OR9G4: variants seen among roughly 807,000 people sequenced by gnomAD.
The protein encoded by OR9G4 is olfactory receptor family 9 subfamily G member 4.
OR9G4 carries 19 observed loss-of-function variants against 16.7 expected under a neutral mutation model. The observed-to-expected ratio is 1.14, with a 90% CI of 0.79 to 1.67. The LOEUF (loss-of-function observed/expected upper bound fraction) is 1.67. Among genes scored for constraint, OR9G4 ranks in the 40% most tolerant of loss-of-function variants. The pLI is 0.00. For missense variants in OR9G4, 428 were observed against 370.4 expected (o/e 1.16, Z -1.28); for synonymous variants, 182 against 146.2 (o/e 1.24, Z -1.76).
In OR9G4 at chr11:56,743,417, G is replaced by A. The variant is rs773768084; in HGVS notation, c.350C>T (p.Ala117Val). The change falls in exon 2 of 2, where the codon GCC becomes GTC. Residue 117 changes from alanine (A) to valine (V), a missense_variant. Transcript: ENST00000641668. ...VAYTECYLLA[A>V]MAYDRHAAIC... ...TGCTGCATGGCGGTCATATGCCATG[G>A]CTGCCAGGAGATAGCATTCAGTGTA... 1 of 1,614,088 alleles carries A rather than the reference G, an allele frequency of 6.2e-7. No individual in the cohort carries two copies. The highest frequency in any genetic ancestry group is 2.2e-5 in the East Asian group (1 of 44,868).
intron 1 of OR9G4, 65 bp from the exon 2 acceptor site, chr11:56,743,853 C>CA: frequency 6.5e-7 from 1 of 1,528,328 alleles, no homozygotes; most frequent in Non-Finnish European, 8.8e-7. Context: ...ACAAGGGTAT[C>CA]AATTAAATCA....
At position 56,743,799 on chromosome 11, in the gene OR9G4, A is replaced by T. The variant is rs1171312180; in HGVS notation, c.-22-11T>A. On this transcript the variant is annotated splice_polypyrimidine_tract_variant and intron_variant, in intron 1 of 1. Coordinates refer to ENST00000641668, the MANE Select transcript of OR9G4 (RefSeq NM_001005284.2). ...GAGGTGAAAGCCTGACTATCATGAGAAGGGAAAATCATCACTTAGTGTTTT... is the reference window on the plus strand; with the variant it reads ...GAGGTGAAAGCCTGACTATCATGAGTAGGGAAAATCATCACTTAGTGTTTT... The T allele has an allele frequency of 6.2e-7, 1 of 1,610,004 alleles. No individual in the cohort carries two copies. Among genetic ancestry groups the T allele is most frequent in the East Asian group, 2.2e-5 (1 of 44,846 alleles).
Position 56,743,110 on chromosome 11 carries a change from G to T in OR9G4, c.657C>A (p.Val219=). The change falls in exon 2 of 2, where the codon GTC becomes GTA. Residue 219 remains valine (V), a synonymous_variant. Coordinates refer to ENST00000641668, the MANE Select transcript of OR9G4 (RefSeq NM_001005284.2). ...TTCTCAGGATAGCCAGGAGGATGTT[G>T]ACATAGGAAATCAGGATAGCAAGAA... ...SSILAILISY[V]NILLAILRIH... The T allele has an allele frequency of 6.2e-7, 1 of 1,614,160 alleles. No homozygotes were observed. Among genetic ancestry groups the T allele is most frequent in the African/African-American group, 1.3e-5 (1 of 75,028 alleles).
In OR9G4 at chr11:56,741,752, C is replaced by T. The variant is rs1590606011; in HGVS notation, c.*1076G>A. 6.6e-6 allele frequency: 1 copy of T among 152,014 alleles called. No homozygotes were observed. Among genetic ancestry groups the T allele is most frequent in the Non-Finnish European group, 1.5e-5 (1 of 68,048 alleles). The allele number at this position is 152,014 out of a possible 1,614,324, so 9.4% of individuals were successfully genotyped here. On this transcript the variant is annotated 3_prime_UTR_variant, in exon 2 of 2. Transcript: ENST00000641668. ...ACCTTTCCTCAACAAAGTTGCTAAC[C>T]TCTGAGCTGCAAGCTTGTGATTTGA...
intron 1 of OR9G4, 148 bp downstream of exon 1, chr11:56,748,508 A>G (rs1858455911): frequency 6.6e-6 from 1 of 152,240 alleles, no homozygotes; most frequent in Admixed American, 6.5e-5. Flanking sequence ...TTGATTTACT[A>G]GGGAGTCTGC....
At chr11:56,748,280 G>T (rs994339387) in intron 1 of OR9G4, among the ~76,000 whole-genome samples, 37 of 152,200 alleles carry the variant, frequency 2.4e-4, no homozygotes, top group Non-Finnish European at 2.2e-4. Flanking sequence ...TCTTTGGTAG[G>T]AATGTGCCTT....
At chr11:56,745,012 A>G (rs1858383215) in intron 1 of OR9G4, among the ~76,000 whole-genome samples, 3 of 152,210 alleles carry the variant, frequency 2.0e-5, no homozygotes, top group Admixed American at 2.0e-4. Context: ...AAGTATCTTA[A>G]CAATTCCCCA....
In OR9G4 at chr11:56,747,217, TAC is replaced by T. The variant is rs1253876816; in HGVS notation, c.-23+1437_-23+1438del. Among the ~76,000 whole-genome samples, 110 of 148,708 alleles carry T rather than the reference TAC, an allele frequency of 7.4e-4. 1 individual carries two copies. The highest frequency in any genetic ancestry group is 1.4e-3 in the Non-Finnish European group (97 of 67,682). On this transcript the variant is annotated intron_variant, in intron 1 of 1. Transcript: ENST00000641668. Reference sequence around the variant, plus strand: ...ATTATTATTATTATTATTATTATTATACTTTAAGTTCTAGGGTGCATGACTGT... The same window carrying T: ...ATTATTATTATTATTATTATTATTATTTTAAGTTCTAGGGTGCATGACTGT...
intron 1 of OR9G4, among the ~76,000 whole-genome samples, chr11:56,748,111 T>C (rs984358782): frequency 6.6e-5 from 10 of 152,168 alleles, no homozygotes; most frequent in Non-Finnish European, 1.5e-4. Context: ...GAGACCTAAT[T>C]TGAAACAAGT....
In OR9G4 at chr11:56,746,053, G is replaced by A. The variant is rs545902679; in HGVS notation, c.-22-2265C>T. Reference sequence around the variant, plus strand: ...TCACGCCTGTAATCCCAGCACTTTGGGAGGCCGAGGCGGGCGGATCACAAG... The same window carrying A: ...TCACGCCTGTAATCCCAGCACTTTGAGAGGCCGAGGCGGGCGGATCACAAG... On this transcript the variant is annotated intron_variant, in intron 1 of 1. Transcript: ENST00000641668. Among the ~76,000 whole-genome samples the A allele has an allele frequency of 8.1e-4, 123 of 152,042 alleles. 2 individuals carry two copies. Among genetic ancestry groups the A allele is most frequent in the African/African-American group, 2.9e-3 (120 of 41,492 alleles).
chr11:56,746,089 C>A (rs1858408145), intron 1 of OR9G4, among the ~76,000 whole-genome samples: 1 of 151,680 alleles, frequency 6.6e-6, no homozygotes, highest in Non-Finnish European at 1.5e-5. Context: ...GTCAGGAGAT[C>A]GAGACCATCC....
rs755285844 is a variant in OR9G4 at position 56,743,794 on chromosome 11, A to C, written c.-22-6T>G. 8.1e-6 allele frequency: 13 copies of C among 1,610,494 alleles called. No individual in the cohort carries two copies. The South Asian group carries it at 1.4e-4, about 18-fold the overall frequency. The stretch of plus-strand genomic sequence containing the variant: ...CCACGGAGGTGAAAGCCTGACTATC[A>C]TGAGAAGGGAAAATCATCACTTAGT... On this transcript the variant is annotated splice_region_variant and splice_polypyrimidine_tract_variant and intron_variant, in intron 1 of 1. Transcript: ENST00000641668.
chr11:56,747,909 C>T (rs1057172892), intron 1 of OR9G4, among the ~76,000 whole-genome samples: 4 of 152,136 alleles, frequency 2.6e-5, no homozygotes, highest in Admixed American at 6.5e-5. Context: ...CTCCTCACCT[C>T]GTGATCCGCC....
chr11:56,744,519 G>C (rs756451057), intron 1 of OR9G4, among the ~76,000 whole-genome samples: 1 of 152,112 alleles, frequency 6.6e-6, no homozygotes, highest in Non-Finnish European at 1.5e-5. Context: ...TTAAGTATTA[G>C]ATTATTAAAG....
In OR9G4 at chr11:56,743,692, C is replaced by T. The variant is rs755550044; in HGVS notation, c.75G>A (p.Pro25=). The change falls in exon 2 of 2, where the codon CCG becomes CCA. Residue 25 remains proline (P), a synonymous_variant. Transcript: ENST00000641668. ...GCATCAGAAACACTCCAAATAGAAT[C>T]GGCTGCCACTGGGAATCTGCTGAGA... The part of the protein sequence containing the change: ...LGFSADSQWQ[P]ILFGVFLMLY... The T allele has an allele frequency of 2.0e-5, 32 of 1,614,010 alleles. No homozygotes were observed. Among genetic ancestry groups the T allele is most frequent in the East Asian group, 6.7e-5 (3 of 44,894 alleles).
intron 1 of OR9G4, among the ~76,000 whole-genome samples, chr11:56,746,994 C>A (rs1377604556): frequency 1.3e-5 from 2 of 152,016 alleles, no homozygotes; most frequent in Non-Finnish European, 2.9e-5. Flanking sequence ...AAATAAGTTG[C>A]TTCTGTATTT....
chr11:56,742,767 A>C lies in OR9G4; in HGVS notation c.*61T>G. Reference sequence around the variant, plus strand: ...AATTGAACTACAGAAATGCAAATGAACACATTTATAAGCCAATAATCTGGA... The same window carrying C: ...AATTGAACTACAGAAATGCAAATGACCACATTTATAAGCCAATAATCTGGA... On this transcript the variant is annotated 3_prime_UTR_variant, in exon 2 of 2. Coordinates refer to ENST00000641668, the MANE Select transcript of OR9G4 (RefSeq NM_001005284.2). The C allele has an allele frequency of 7.0e-7, 1 of 1,435,874 alleles. No homozygotes were observed. The highest frequency in any genetic ancestry group is 2.0e-5 in the Admixed American group (1 of 49,390). The allele number at this position is 1,435,874 out of a possible 1,614,324, so 88.9% of individuals were successfully genotyped here. A position where few individuals can be genotyped will look rare whatever the true frequency, so the allele number is the denominator to read the frequency against.
Position 56,743,459 on chromosome 11 carries a change from A to G in OR9G4, c.308T>C (p.Phe103Ser), listed in dbSNP as rs775080001. Residue 103 changes from phenylalanine to serine, a missense_variant, in exon 2 of 2, where the codon TTT becomes TCT. Physicochemically the swap from Phe to Ser is radical, Grantham distance 155. Transcript: ENST00000641668. ...TTCAGTGTAGGCTACAACACAGGAA[A>G]AAAACAGCTGAGCCCCACATCCAGC... ...SLAGCGAQLFFSCVVAYTECY... is the reference protein window; with the variant it reads ...SLAGCGAQLFSSCVVAYTECY... 20 of 1,614,156 alleles carry G rather than the reference A, an allele frequency of 1.2e-5. No individual in the cohort carries two copies. The Admixed American group carries it at 1.8e-4, about 15-fold the overall frequency.
In OR9G4 at chr11:56,743,014, G is replaced by A. The variant is rs1196478428; in HGVS notation, c.753C>T (p.Phe251=). The change falls in exon 2 of 2, where the codon TTC becomes TTT. Residue 251 remains phenylalanine (F), a synonymous_variant. Coordinates refer to ENST00000641668, the MANE Select transcript of OR9G4 (RefSeq NM_001005284.2). ...AATACATAAACAACAATGATCCATA[G>A]AAGAGCATGACTGAGATGAGGTGGG... ...CASHLISVML[F]YGSLLFMYSR... The A allele has an allele frequency of 1.9e-6, 3 of 1,614,048 alleles. No individual in the cohort carries two copies. The highest frequency in any genetic ancestry group is 1.7e-6 in the Non-Finnish European group (2 of 1,179,910).
Sources: gnomAD v4.1 joint callset for allele counts (sites outside exome capture counted in the v4.1 genomes callset) on GRCh38, gnomAD v4.1.1 for gene constraint, MANE v1.5 for transcripts, NCBI Gene and HGNC (gene_info 2026-07-23, HGNC 2026-07-21) for gene names.